Variants in MYOM1 observed in about 807,000 individuals in gnomAD.
The protein encoded by MYOM1 is myomesin 1.
MYOM1 carries 164 observed loss-of-function variants against 205.3 expected under a neutral mutation model. The ratio of observed to expected loss-of-function variants is 0.80; its 90% confidence interval spans 0.70 to 0.91. The LOEUF is 0.91. Ranked by LOEUF, MYOM1 falls within the 40% of genes least tolerant of loss-of-function variation. MYOM1 has a pLI of 0.00. For synonymous variants in MYOM1, 772 were observed against 789.4 expected, an observed-to-expected ratio of 0.98 and a Z score of 0.37; for missense variants, 2,011 against 2,127.3, an observed-to-expected ratio of 0.95 and a Z score of 1.08.
intron 8 of MYOM1, among the ~76,000 whole-genome samples, chr18:3,170,452 G>T (rs909044091): frequency 2.6e-5 from 4 of 152,190 alleles, no homozygotes; most frequent in African/African-American, 9.6e-5. Flanking sequence ...TAATTTTAAT[G>T]GAGTTTTAAA....
chr18:3,187,332 T>C, intron 5 of MYOM1, 148 bp downstream of exon 5: 1 of 806,466 alleles, frequency 1.2e-6, no homozygotes, highest in Non-Finnish European at 1.9e-6. Context: ...TTCATCTCAA[T>C]GCCTACCCTT....
At chr18:3,182,031 G>A (rs1369354860) in intron 5 of MYOM1, among the ~76,000 whole-genome samples, 1 of 152,138 alleles carries the variant, frequency 6.6e-6, no homozygotes, top group Non-Finnish European at 1.5e-5. Context: ...CTCGCGCCTG[G>A]CTGAAACTGA....
At chr18:3,232,261 C>T in the MYOM1 span, among the ~76,000 whole-genome samples, 2 of 151,656 alleles carry the variant, frequency 1.3e-5, no homozygotes, top group East Asian at 3.9e-4. Flanking sequence ...ATCCTGGAGG[C>T]GGAGCTTGCA....
At chr18:3,113,780 C>A (rs2079564046) in intron 21 of MYOM1, among the ~76,000 whole-genome samples, 1 of 152,040 alleles carries the variant, frequency 6.6e-6, no homozygotes, top group Non-Finnish European at 1.5e-5. Context: ...ACACAGAGGG[C>A]ATAATTTTTC....
chr18:3,116,452 G>A lies in MYOM1; in HGVS notation c.3182C>T (p.Pro1061Leu), dbSNP rs1028776972. 1.1e-5 allele frequency: 18 copies of A among 1,611,878 alleles called. No individual in the cohort carries two copies. Among genetic ancestry groups the A allele is most frequent in the African/African-American group, 8.0e-5 (6 of 74,858 alleles). ...CGGAGTCCGCCCGGAGTGGACTGGC[G>A]GCTTCCACTGGAGAACCAGTGAGTC... ...RKDSLVLQWK[P>L]PVHSGRTPVT... Residue 1061 changes from proline (P) to leucine (L), a missense_variant, in exon 21 of 38, where the codon CCG (proline) becomes CTG (leucine). Pro to Leu is a moderately conservative substitution (Grantham distance 98, BLOSUM62 -3). Transcript: ENST00000356443.
intron 21 of MYOM1, among the ~76,000 whole-genome samples, chr18:3,114,567 TTTA>T (rs1353332726): frequency 6.2e-5 from 9 of 144,790 alleles, no homozygotes; most frequent in South Asian, 2.5e-4. Flanking sequence ...TTTTTTTTTT[TTTA>T]GAGACAGGGT....
intron 2 of MYOM1, among the ~76,000 whole-genome samples, chr18:3,211,780 C>T (rs1598775020): frequency 1.3e-5 from 2 of 152,260 alleles, no homozygotes; most frequent in Middle Eastern, 6.8e-3. Context: ...GTTCCTAAGA[C>T]TCACTAAGGT....
At chr18:3,217,498 C>T (rs568956133) in intron 1 of MYOM1, among the ~76,000 whole-genome samples, 2 of 152,268 alleles carry the variant, frequency 1.3e-5, no homozygotes, top group Admixed American at 6.5e-5. Context: ...GCCTGTTAGA[C>T]CTCCCAGAGG....
At chr18:3,193,347 CATATATAT>C (rs546949478) in intron 3 of MYOM1, among the ~76,000 whole-genome samples, 20 of 140,778 alleles carry the variant, frequency 1.4e-4, no homozygotes, top group African/African-American at 5.3e-4. Context: ...TGTACATATA[CATATATAT>C]ATATATACAC....
At chr18:3,137,192 G>A (rs549951618) in intron 14 of MYOM1, among the ~76,000 whole-genome samples, 34 of 151,912 alleles carry the variant, frequency 2.2e-4, no homozygotes, top group Non-Finnish European at 3.1e-4. Flanking sequence ...CTCGTGATCC[G>A]CCCACCTCAG....
intron 25 of MYOM1, among the ~76,000 whole-genome samples, chr18:3,095,532 C>T (rs1373637203): frequency 2.0e-5 from 3 of 152,198 alleles, no homozygotes; most frequent in African/African-American, 7.2e-5. Context: ...CGCGCCACTG[C>T]ACTCCAGCCT....
chr18:3,227,258 A>G, the MYOM1 span, among the ~76,000 whole-genome samples: 2 of 152,102 alleles, frequency 1.3e-5, no homozygotes, highest in African/African-American at 4.8e-5. Flanking sequence ...GTGAAGGTAT[A>G]TACATACAAT....
intron 12 of MYOM1, among the ~76,000 whole-genome samples, chr18:3,151,017 T>C (rs1428025157): frequency 1.3e-5 from 2 of 149,212 alleles, no homozygotes; most frequent in African/African-American, 5.0e-5. Context: ...TTTCATTTTT[T>C]TTTTTTAAAA....
chr18:3,109,002 AT>A (rs2079489146), intron 22 of MYOM1, among the ~76,000 whole-genome samples: 1 of 150,002 alleles, frequency 6.7e-6, no homozygotes, highest in Non-Finnish European at 1.5e-5. Context: ...TTTTTTTGAG[AT>A]GGAGTCTTGC....
intron 33 of MYOM1, among the ~76,000 whole-genome samples, chr18:3,083,327 T>C (rs12969768): frequency 0.16 from 24,487 of 151,984 alleles, 2,325 homozygotes; most frequent in East Asian, 0.18. Context: ...GAAGACTCCT[T>C]ACTTGAGAAG....
chr18:3,095,055 T>A (rs1269750225), intron 25 of MYOM1, among the ~76,000 whole-genome samples: 1 of 152,210 alleles, frequency 6.6e-6, no homozygotes, highest in Admixed American at 6.5e-5. Flanking sequence ...CTTTTCAAGT[T>A]TCAAGGGATG....
At chr18:3,187,866 T>C (rs1161689940) in intron 4 of MYOM1, among the ~76,000 whole-genome samples, 1 of 145,268 alleles carries the variant, frequency 6.9e-6, no homozygotes, top group African/African-American at 2.7e-5. Flanking sequence ...TCTTTTTTTT[T>C]TTTTTTTTTT....
At chr18:3,237,092 A>G in the MYOM1 span, among the ~76,000 whole-genome samples, 73 of 152,334 alleles carry the variant, frequency 4.8e-4, no homozygotes, top group East Asian at 1.9e-4. Context: ...AAGATTTATT[A>G]TAGCAGATTC....
At chr18:3,086,949 A>G (rs1358995091) in intron 29 of MYOM1, among the ~76,000 whole-genome samples, 1 of 152,238 alleles carries the variant, frequency 6.6e-6, no homozygotes, top group African/African-American at 2.4e-5. Flanking sequence ...GACAAAGACA[A>G]TGTTGTCTCA....
Sources: allele counts gnomAD v4.1 joint callset (sites outside exome capture counted in the v4.1 genomes callset), GRCh38; gene constraint gnomAD v4.1.1; transcripts MANE v1.5; gene names NCBI Gene and HGNC (gene_info 2026-07-23, HGNC 2026-07-21).